The following CNKSR2 variants were observed in gnomAD, a reference collection of about 807,000 sequenced individuals.
CNKSR2 encodes the protein CNK homolog protein 2.
A neutral mutation model predicts 84.4 loss-of-function variants in CNKSR2; 14 were observed. The observed-to-expected ratio is 0.17, with a 90% CI of 0.11 to 0.26. CNKSR2 has a LOEUF of 0.26. CNKSR2 is among the 10% of genes least tolerant of loss of function. CNKSR2 has a pLI of 1.00. For synonymous variants in CNKSR2, 275 were observed against 277.9 expected (o/e 0.99, Z 0.10); for missense variants, 485 against 771.2 (o/e 0.63, Z 4.40).
intron 8 of CNKSR2, among the ~76,000 whole-genome samples, chrX:21,506,987 G>GT (rs781431322): frequency 0.076 from 7,491 of 99,019 alleles, 676 homozygotes; most frequent in African/African-American, 0.24. Flanking sequence ...CCCCCCACCC[G>GT]TTTTTTTTTT....
chrX:21,563,564 G>A, intron 13 of CNKSR2, 112 bp downstream of exon 13: 1 of 557,590 alleles, frequency 1.8e-6, no homozygotes, highest in Non-Finnish European at 2.8e-6. Context: ...TTTCACAAAA[G>A]AGCCTAACTT....
intron 1 of CNKSR2, among the ~76,000 whole-genome samples, chrX:21,375,200 C>G (rs992771770): frequency 5.3e-5 from 6 of 112,905 alleles, no homozygotes; most frequent in African/African-American, 1.9e-4. Flanking sequence ...GGCGCCACCC[C>G]GTTGGAGGCA....
At chrX:21,595,150 A>C in intron 16 of CNKSR2, 103 bp downstream of exon 16, 2 of 721,582 alleles carry the variant, frequency 2.8e-6, no homozygotes, top group Non-Finnish European at 4.2e-6. Flanking sequence ...TTGAGGTAAT[A>C]AGAAAGCAGT....
intron 1 of CNKSR2, among the ~76,000 whole-genome samples, chrX:21,402,697 T>C (rs2090208385): frequency 9.0e-6 from 1 of 111,307 alleles, no homozygotes; most frequent in African/African-American, 3.2e-5. Flanking sequence ...GACATAATTC[T>C]TAAATTGATC....
intron 11 of CNKSR2, among the ~76,000 whole-genome samples, chrX:21,548,351 C>T (rs773563609): frequency 4.5e-5 from 5 of 111,452 alleles, no homozygotes; most frequent in Non-Finnish European, 9.4e-5. Flanking sequence ...AGACATGACA[C>T]CCTCCCAAGA....
At chrX:21,518,820 C>G (rs1010841657) in intron 9 of CNKSR2, among the ~76,000 whole-genome samples, 9 of 111,078 alleles carry the variant, frequency 8.1e-5, no homozygotes, top group African/African-American at 2.6e-4. Context: ...TTTACTTTTT[C>G]AAAATGCTGA....
chrX:21,432,853 A>G (rs2090654776), intron 3 of CNKSR2, 39 bp downstream of exon 3: 6 of 1,162,286 alleles, frequency 5.2e-6, no homozygotes, highest in Non-Finnish European at 7.0e-6. Flanking sequence ...TCCTCTCCTC[A>G]GACACCAGTT....
chrX:21,638,108 A>G (rs1372593274), intron 20 of CNKSR2, among the ~76,000 whole-genome samples: 1 of 111,603 alleles, frequency 9.0e-6, no homozygotes, highest in African/African-American at 3.2e-5. Flanking sequence ...CCATTTTAAA[A>G]TATTTTCTTC....
intron 9 of CNKSR2, among the ~76,000 whole-genome samples, chrX:21,524,300 C>T (rs1257740672): frequency 2.7e-5 from 3 of 110,861 alleles, no homozygotes; most frequent in Non-Finnish European, 5.7e-5. Flanking sequence ...TCTTTTTTCT[C>T]TGAAGTAGTA....
chrX:21,471,740 C>A (rs1250033609), intron 5 of CNKSR2, among the ~76,000 whole-genome samples: 1 of 111,288 alleles, frequency 9.0e-6, no homozygotes, highest in East Asian at 2.8e-4. Flanking sequence ...ATCCTCTCCC[C>A]CTCATTGTGC....
intron 10 of CNKSR2, among the ~76,000 whole-genome samples, chrX:21,529,397 C>A (rs1284993099): frequency 2.7e-5 from 3 of 110,891 alleles, no homozygotes; most frequent in Non-Finnish European, 3.8e-5. Flanking sequence ...AACCAAATTT[C>A]TTTTTCTATG....
At chrX:21,393,158 A>G (rs2090074485) in intron 1 of CNKSR2, among the ~76,000 whole-genome samples, 2 of 112,211 alleles carry the variant, frequency 1.8e-5, no homozygotes, top group African/African-American at 6.5e-5. Context: ...TTCTGTTGAC[A>G]TTGTTGAGGT....
intron 11 of CNKSR2, among the ~76,000 whole-genome samples, chrX:21,554,802 A>G (rs779639300): frequency 9.0e-6 from 1 of 111,121 alleles, no homozygotes; most frequent in South Asian, 3.8e-4. Flanking sequence ...ATACACATGC[A>G]TATGTCTTTA....
At chrX:21,561,427 G>A (rs1192523182) in intron 11 of CNKSR2, 44 bp from the exon 12 acceptor site, 1 of 1,016,831 alleles carries the variant, frequency 9.8e-7, no homozygotes, top group Admixed American at 2.2e-5. Flanking sequence ...AGCAGACATG[G>A]GGAAGAAAAA....
rs994483000 is a variant in CNKSR2, at chrX:21,604,322, G to T, written c.2045-2457G>T. 9.9e-5 allele frequency among the ~76,000 whole-genome samples: 11 copies of T among 110,650 alleles called. No homozygotes were observed. The East Asian group carries it at 3.1e-3, about 31-fold the overall frequency. Reference sequence around the variant, plus strand: ...CACACACCGGGGCCTGCTGTGGAGTGGGGGGAGGGGGAAGGGATAGCACTA... The same window carrying T: ...CACACACCGGGGCCTGCTGTGGAGTTGGGGGAGGGGGAAGGGATAGCACTA... On this transcript the variant is annotated intron_variant, in intron 18 of 21. Transcript: ENST00000379510.
intron 1 of CNKSR2, among the ~76,000 whole-genome samples, chrX:21,403,470 G>A (rs1569148560): frequency 1.8e-5 from 2 of 111,320 alleles, no homozygotes; most frequent in African/African-American, 6.5e-5. Context: ...AGGTAACTCC[G>A]ATTTCATGAC....
intron 1 of CNKSR2, among the ~76,000 whole-genome samples, chrX:21,375,599 C>T (rs775829164): frequency 1.5e-4 from 17 of 112,270 alleles, no homozygotes; most frequent in Non-Finnish European, 2.8e-4. Flanking sequence ...GCTGCTGTCT[C>T]TGGGCTGCCT....
intron 4 of CNKSR2, among the ~76,000 whole-genome samples, chrX:21,468,275 C>T (rs1307771857): frequency 9.0e-6 from 1 of 110,516 alleles, no homozygotes; most frequent in East Asian, 2.8e-4. Context: ...TTAGTATATT[C>T]AATATTATTT....
At chrX:21,505,337 A>G (rs1000945353) in intron 8 of CNKSR2, 1 of 111,303 alleles carries the variant, frequency 9.0e-6, no homozygotes, top group African/African-American at 3.3e-5. Context: ...TACATTATGG[A>G]AAGAAATGTT....
Sources: gnomAD v4.1 joint callset for allele counts (sites outside exome capture counted in the v4.1 genomes callset) on GRCh38, gnomAD v4.1.1 for gene constraint, MANE v1.5 for transcripts, NCBI Gene and HGNC (gene_info 2026-07-23, HGNC 2026-07-21) for gene names.